Variants in SORCS1 observed in about 807,000 individuals in gnomAD.
SORCS1 encodes the protein VPS10 domain-containing receptor SorCS1.
SORCS1 carries 60 observed loss-of-function variants against 146.1 expected under a neutral mutation model. The observed-to-expected ratio is 0.41, with a 90% CI of 0.33 to 0.51. The LOEUF is 0.51. Ranked by LOEUF, SORCS1 falls within the 20% of genes least tolerant of loss-of-function variation. The pLI is 0.21. For synonymous variants in SORCS1, 637 were observed against 584.0 expected (o/e 1.09, Z -1.31); for missense variants, 1,352 against 1,487.6 (o/e 0.91, Z 1.50).
intron 2 of SORCS1, among the ~76,000 whole-genome samples, chr10:106,878,049 T>C (rs1351483960): frequency 6.6e-6 from 1 of 152,146 alleles, no homozygotes; most frequent in Non-Finnish European, 1.5e-5. Flanking sequence ...CTACTCCTAC[T>C]CCTAGTCTAT....
chr10:107,164,969 C>T (rs1002102780), upstream of SORCS1, among the ~76,000 whole-genome samples: 1 of 150,632 alleles, frequency 6.6e-6, no homozygotes, highest in Non-Finnish European at 1.5e-5. The surrounding 1 kb of genome is among the most constrained non-coding windows in gnomAD (Gnocchi z 6.8). Context: ...CCCCCGCGGC[C>T]GCGGGTCCCG....
intron 2 of SORCS1, among the ~76,000 whole-genome samples, chr10:106,930,299 A>G (rs974313108): frequency 1.2e-4 from 19 of 152,102 alleles, no homozygotes; most frequent in African/African-American, 4.3e-4. Context: ...AAAAAACAAA[A>G]AAACAAAAAT....
Position 106,686,130 on chromosome 10 carries a change from G to A in SORCS1, c.1560+2062C>T, listed in dbSNP as rs1045112946. Among the ~76,000 whole-genome samples, 4 of 152,202 alleles carry A rather than the reference G, an allele frequency of 2.6e-5. No individual in the cohort carries two copies. The East Asian group carries it at 7.7e-4, about 29-fold the overall frequency. On this transcript the variant is annotated intron_variant, in intron 10 of 25. Coordinates refer to ENST00000263054, the MANE Select transcript of SORCS1 (RefSeq NM_052918.5). ...TTTTTTAAAAAAAATGGTCCCATTG[G>A]CTGCTGTCTAGAGAAGTGATTGCCA...
At chr10:106,870,048 A>G (rs1950350374) in intron 2 of SORCS1, among the ~76,000 whole-genome samples, 1 of 152,166 alleles carries the variant, frequency 6.6e-6, no homozygotes, top group East Asian at 1.9e-4. Context: ...TACACTAACA[A>G]CAACCAAGCA....
intron 17 of SORCS1, among the ~76,000 whole-genome samples, chr10:106,664,053 T>G (rs1285068556): frequency 2.6e-5 from 4 of 152,186 alleles, no homozygotes; most frequent in Non-Finnish European, 5.9e-5. Flanking sequence ...ACGAAACCAG[T>G]GGACGTGGCA....
chr10:106,617,453 C>A (rs1052577045), intron 21 of SORCS1, among the ~76,000 whole-genome samples: 2 of 152,118 alleles, frequency 1.3e-5, no homozygotes, highest in African/African-American at 4.8e-5. Flanking sequence ...ATCCATATGA[C>A]TATCTTTCTA....
At chr10:106,769,301 C>G (rs908234084) in intron 4 of SORCS1, among the ~76,000 whole-genome samples, 2 of 151,672 alleles carry the variant, frequency 1.3e-5, no homozygotes, top group Non-Finnish European at 2.9e-5. Context: ...CTGGCCAACA[C>G]AGTGAAGCCC....
At chr10:106,783,635 C>T (rs899734617) in intron 3 of SORCS1, among the ~76,000 whole-genome samples, 5 of 148,940 alleles carry the variant, frequency 3.4e-5, no homozygotes, top group South Asian at 4.2e-4. Context: ...AAGTGTAAGA[C>T]GACACTATAT....
At chr10:106,985,222 A>T (rs35630812) in intron 1 of SORCS1, among the ~76,000 whole-genome samples, 33,700 of 151,946 alleles carry the variant, frequency 0.22, 4,503 homozygotes, top group Middle Eastern at 0.33. Flanking sequence ...AAATAAATAA[A>T]ATAGGGTGAG....
chr10:106,983,188 CTATATA>C (rs57891634), intron 1 of SORCS1, among the ~76,000 whole-genome samples: 1 of 146,516 alleles, frequency 6.8e-6, no homozygotes, highest in African/African-American at 2.5e-5. Context: ...ACATATTTCT[CTATATA>C]TACATATTTC....
intron 1 of SORCS1, among the ~76,000 whole-genome samples, chr10:107,011,103 A>C (rs1957679080): frequency 6.6e-6 from 1 of 152,192 alleles, no homozygotes. Flanking sequence ...ATTCTGCCCT[A>C]ATCACCAAGT....
At chr10:106,671,390 G>T in intron 15 of SORCS1, 23 bp from the exon 16 acceptor site, 2 of 1,613,706 alleles carry the variant, frequency 1.2e-6, no homozygotes, top group Non-Finnish European at 1.7e-6. Context: ...AAGGATCACA[G>T]ATACTTGGGC....
intron 1 of SORCS1, among the ~76,000 whole-genome samples, chr10:107,153,787 T>C (rs1969039084): frequency 6.6e-6 from 1 of 152,158 alleles, no homozygotes; most frequent in Admixed American, 6.5e-5. Context: ...AAAATAACTT[T>C]TAAAAATAAC....
intron 23 of SORCS1, among the ~76,000 whole-genome samples, chr10:106,598,287 G>A (rs1309034478): frequency 1.4e-5 from 2 of 140,462 alleles, no homozygotes; most frequent in Non-Finnish European, 3.0e-5. Context: ...ATTTGAGATG[G>A]AGTCTTGCTC....
At chr10:107,158,650 C>A (rs759288224) in intron 1 of SORCS1, among the ~76,000 whole-genome samples, 14 of 152,136 alleles carry the variant, frequency 9.2e-5, no homozygotes, top group Admixed American at 3.3e-4. Context: ...TCATTGAGGG[C>A]AGGAATTATT....
intron 7 of SORCS1, among the ~76,000 whole-genome samples, chr10:106,708,807 T>G (rs997955647): frequency 2.0e-5 from 3 of 152,090 alleles, no homozygotes; most frequent in African/African-American, 7.2e-5. Flanking sequence ...AGGTGGGTAT[T>G]GGGGAGGGGG....
chr10:106,684,837 T>G (rs1415880325), intron 10 of SORCS1, among the ~76,000 whole-genome samples: 2 of 152,228 alleles, frequency 1.3e-5, no homozygotes, highest in South Asian at 2.1e-4. Context: ...AAAGAAGGTT[T>G]TTAACAGTCT....
At chr10:107,109,894 T>C (rs1366643309) in intron 1 of SORCS1, among the ~76,000 whole-genome samples, 1 of 152,238 alleles carries the variant, frequency 6.6e-6, no homozygotes, top group Non-Finnish European at 1.5e-5. Context: ...TTGAATACTT[T>C]GCTGCTTAGA....
intron 1 of SORCS1, among the ~76,000 whole-genome samples, chr10:107,130,617 A>G (rs1424479386): frequency 1.3e-5 from 2 of 152,186 alleles, no homozygotes; most frequent in Non-Finnish European, 2.9e-5. Context: ...ACAAAAATGT[A>G]AAGTCTTTCG....
Sources: gnomAD v4.1 joint callset for allele counts (sites outside exome capture counted in the v4.1 genomes callset) on GRCh38, gnomAD v4.1.1 for gene constraint, Gnocchi (gnomAD v3.1) non-coding constraint, MANE v1.5 for transcripts, NCBI Gene and HGNC (gene_info 2026-07-23, HGNC 2026-07-21) for gene names.